The following UQCRB variants were observed in gnomAD, a reference collection of about 807,000 sequenced individuals.
UQCRB encodes the protein cytochrome b-c1 complex subunit 7.
A neutral mutation model predicts 19.8 loss-of-function variants in UQCRB; 12 were observed. The ratio of observed to expected loss-of-function variants is 0.61; its 90% confidence interval spans 0.39 to 0.98. The LOEUF is 0.98. Ranked by LOEUF, UQCRB falls within the 50% of genes least tolerant of loss-of-function variation. The pLI is 0.00. For missense variants in UQCRB, 142 were observed against 131.8 expected (o/e 1.08, Z -0.38); for synonymous variants, 39 against 42.9 (o/e 0.91, Z 0.35).
intron 1 of UQCRB, chr8:96,235,283 G>A: frequency 1.6e-6 from 1 of 631,998 alleles, no homozygotes; most frequent in Non-Finnish European, 2.8e-6. Context: ...GAGCCACCGC[G>A]GGCACCTTCA....
At chr8:96,231,575 A>G in intron 3 of UQCRB, 199 bp downstream of exon 3, 1 of 1,377,896 alleles carries the variant, frequency 7.3e-7, no homozygotes, top group Non-Finnish European at 1.0e-6. Flanking sequence ...CTTGCTTAGT[A>G]ATTTCAGAAG....
rs1274986631 is a variant in UQCRB at position 96,227,286 on chromosome 8, A to G, written c.*3769T>C. On this transcript the variant is annotated 3_prime_UTR_variant, in exon 4 of 4. Transcript: ENST00000287022. ...TTAGTAGTAAATTCTCCTGATGGCC[A>G]TAAACCTCTAAGGTGTTGTCATCCT... The G allele has an allele frequency of 6.6e-6, 3 of 454,000 alleles. No homozygotes were observed. The East Asian group carries it at 2.1e-4, about 32-fold the overall frequency. The allele number at this position is 454,000 out of a possible 1,614,324, so 28.1% of individuals were successfully genotyped here. A position where few individuals can be genotyped will look rare whatever the true frequency, so the allele number is the denominator to read the frequency against.
At chr8:96,231,364 T>C in intron 3 of UQCRB, 1 of 1,542,964 alleles carries the variant, frequency 6.5e-7, no homozygotes, top group Non-Finnish European at 8.7e-7. Context: ...GAAAAAGAAA[T>C]GAATGTCCAC....
chr8:96,225,832 T>C lies in UQCRB; in HGVS notation c.*5223A>G, dbSNP rs1809516170. On this transcript the variant is annotated 3_prime_UTR_variant, in exon 4 of 4. Transcript: ENST00000287022. ...TTCACACAGTATGTACATCTATGTT[T>C]ACATATTCATGCATCTGATTACATA... is the stretch of plus-strand genomic sequence containing the variant. 6.6e-6 allele frequency: 1 copy of C among 152,134 alleles called. No homozygotes were observed. Among genetic ancestry groups the C allele is most frequent in the African/African-American group, 2.4e-5 (1 of 41,416 alleles). 9.4% of individuals were successfully genotyped at this position (152,134 alleles called of 1,614,324 possible). A position where few individuals can be genotyped will look rare whatever the true frequency, so the allele number is the denominator to read the frequency against.
chr8:96,224,680 TC>T lies in UQCRB; in HGVS notation c.*6374del, dbSNP rs1344500551. Among the ~76,000 whole-genome samples the T allele has an allele frequency of 6.6e-6, 1 of 152,190 alleles. No individual in the cohort carries two copies. Among genetic ancestry groups the T allele is most frequent in the Non-Finnish European group, 1.5e-5 (1 of 68,038 alleles). ...TCTTACACATCTAACTGATATCCAG[TC>T]AGGCCAACTGGACTTCTTAGTATCT... is the stretch of plus-strand genomic sequence containing the variant. On this transcript the variant is annotated 3_prime_UTR_variant, in exon 4 of 4. Transcript: ENST00000287022.
Position 96,225,419 on chromosome 8 carries a change from C to G in UQCRB, c.*5636G>C, listed in dbSNP as rs983489605. Reference sequence around the variant, plus strand: ...TTGGAAGTCCAGTATTGAAAAACTTCAAATATTCATCCCCTTTGCCCCAAC... The same window carrying G: ...TTGGAAGTCCAGTATTGAAAAACTTGAAATATTCATCCCCTTTGCCCCAAC... On this transcript the variant is annotated 3_prime_UTR_variant, in exon 4 of 4. Transcript: ENST00000287022. Among the ~76,000 whole-genome samples, 2 of 152,126 alleles carry G rather than the reference C, an allele frequency of 1.3e-5. No homozygotes were observed. The highest frequency in any genetic ancestry group is 2.9e-5 in the Non-Finnish European group (2 of 68,014).
In UQCRB at chr8:96,229,905, ACT is replaced by A. The variant is rs35954659; in HGVS notation, c.*1148_*1149del. 0.34 allele frequency: 154,262 copies of A among 453,532 alleles called. 28,175 individuals carry two copies. Among genetic ancestry groups the A allele is most frequent in the Non-Finnish European group, 0.4 (89,904 of 226,542 alleles). The allele number at this position is 453,532 out of a possible 1,614,324, so 28.1% of individuals were successfully genotyped here. ...AATGTAACACAAATTCGTTTTTCAC[ACT>A]GTTTTGTTATTTGAGGTAAGGCATT... is the stretch of plus-strand genomic sequence containing the variant. On this transcript the variant is annotated 3_prime_UTR_variant, in exon 4 of 4. Coordinates refer to ENST00000287022, the MANE Select transcript of UQCRB (RefSeq NM_006294.5).
In UQCRB at chr8:96,224,605, T is replaced by C. The variant is rs981651434; in HGVS notation, c.*6450A>G. Among the ~76,000 whole-genome samples, 2 of 152,140 alleles carry C rather than the reference T, an allele frequency of 1.3e-5. No individual in the cohort carries two copies. Among genetic ancestry groups the C allele is most frequent in the African/African-American group, 4.8e-5 (2 of 41,432 alleles). ...CTGCATCACCCTCAACAGACCCGTG[T>C]TTGTGGAGCCCCTCCGGACCTCTCT... On this transcript the variant is annotated 3_prime_UTR_variant, in exon 4 of 4. Coordinates refer to ENST00000287022, the MANE Select transcript of UQCRB (RefSeq NM_006294.5).
At chr8:96,234,435 A>AC (rs769629000) in intron 1 of UQCRB, 12 of 1,198,764 alleles carry the variant, frequency 1.0e-5, no homozygotes, top group Non-Finnish European at 1.3e-5. Context: ...AAGTGATCCC[A>AC]CCCAAGGTCA....
chr8:96,231,679 G>C, intron 3 of UQCRB, 95 bp downstream of exon 3: 1 of 1,552,638 alleles, frequency 6.4e-7, no homozygotes, highest in East Asian at 2.2e-5. Flanking sequence ...ACATGACTCA[G>C]AGAACTCTAA....
intron 1 of UQCRB, chr8:96,234,474 T>C (rs1200752697): frequency 1.6e-6 from 2 of 1,288,100 alleles, no homozygotes; most frequent in African/African-American, 3.0e-5. Context: ...TGAGATCTGG[T>C]CTATGTAGTT....
Position 96,224,194 on chromosome 8 carries a change from A to G in UQCRB, c.*6861T>C, listed in dbSNP as rs1338804792. Among the ~76,000 whole-genome samples the G allele has an allele frequency of 2.0e-5, 3 of 152,228 alleles. No individual in the cohort carries two copies. The highest frequency in any genetic ancestry group is 4.4e-5 in the Non-Finnish European group (3 of 68,044). On this transcript the variant is annotated 3_prime_UTR_variant, in exon 4 of 4. Transcript: ENST00000287022. ...ACCAAAGAATGTCCAATGAAGGGAC[A>G]ATTAACAAACGGCAGGCAAGGTCAA... is the stretch of plus-strand genomic sequence containing the variant.
chr8:96,231,582 G>A (rs1181402778), intron 3 of UQCRB, 192 bp downstream of exon 3: 5 of 1,370,936 alleles, frequency 3.6e-6, no homozygotes, highest in Non-Finnish European at 3.0e-6. Flanking sequence ...AGTAATTTCA[G>A]AAGAATCATT....
Position 96,228,759 on chromosome 8 carries a change from A to C in UQCRB, c.*2296T>G. 1 of 454,130 alleles carries C rather than the reference A, an allele frequency of 2.2e-6. No individual in the cohort carries two copies. Among genetic ancestry groups the C allele is most frequent in the Non-Finnish European group, 4.4e-6 (1 of 226,796 alleles). The allele number at this position is 454,130 out of a possible 1,614,324, so 28.1% of individuals were successfully genotyped here. On this transcript the variant is annotated 3_prime_UTR_variant, in exon 4 of 4. Coordinates refer to ENST00000287022, the MANE Select transcript of UQCRB (RefSeq NM_006294.5). Reference sequence around the variant, plus strand: ...AAATTGTATTCCTAAAGCACTACACAGTGAGCAAATAGATTCAGACCTGTG... The same window carrying C: ...AAATTGTATTCCTAAAGCACTACACCGTGAGCAAATAGATTCAGACCTGTG...
In UQCRB at chr8:96,226,138, C is replaced by G. The variant is rs1809521394; in HGVS notation, c.*4917G>C. On this transcript the variant is annotated 3_prime_UTR_variant, in exon 4 of 4. Transcript: ENST00000287022. Reference sequence around the variant, plus strand: ...TATATTCTTCCTAGCTTCTGCCTAGCCTGGAACATAAACACATACATCAAT... The same window carrying G: ...TATATTCTTCCTAGCTTCTGCCTAGGCTGGAACATAAACACATACATCAAT... 1 of 152,180 alleles carries G rather than the reference C, an allele frequency of 6.6e-6. No homozygotes were observed. The highest frequency in any genetic ancestry group is 1.5e-5 in the Non-Finnish European group (1 of 68,050). The allele number at this position is 152,180 out of a possible 1,614,324, so 9.4% of individuals were successfully genotyped here.
Position 96,229,080 on chromosome 8 carries a change from A to G in UQCRB, c.*1975T>C. 2.2e-6 allele frequency: 1 copy of G among 454,086 alleles called. No homozygotes were observed. Among genetic ancestry groups the G allele is most frequent in the African/African-American group, 2.0e-5 (1 of 50,140 alleles). The allele number at this position is 454,086 out of a possible 1,614,324, so 28.1% of individuals were successfully genotyped here. A position where few individuals can be genotyped will look rare whatever the true frequency, so the allele number is the denominator to read the frequency against. On this transcript the variant is annotated 3_prime_UTR_variant, in exon 4 of 4. Coordinates refer to ENST00000287022, the MANE Select transcript of UQCRB (RefSeq NM_006294.5). ...ACAAGCAGGACGATAACCATAATTT[A>G]TAATGAACACAAAACATTGATCTAG...
Position 96,223,128 on chromosome 8 carries a change from A to G in UQCRB, c.*7927T>C, listed in dbSNP as rs1563531988. On this transcript the variant is annotated 3_prime_UTR_variant, in exon 4 of 4. Transcript: ENST00000287022. Reference sequence around the variant, plus strand: ...AGATTTCATGTACAGCATGGTGACTATAATTATATTGTACACTAAAAATTT... The same window carrying G: ...AGATTTCATGTACAGCATGGTGACTGTAATTATATTGTACACTAAAAATTT... 6.6e-6 allele frequency among the ~76,000 whole-genome samples: 1 copy of G among 151,436 alleles called. No homozygotes were observed. Among genetic ancestry groups the G allele is most frequent in the Admixed American group, 6.6e-5 (1 of 15,238 alleles).
intron 1 of UQCRB, chr8:96,234,645 T>C: frequency 3.8e-6 from 2 of 523,138 alleles, no homozygotes; most frequent in Non-Finnish European, 6.6e-6. Context: ...CCTAACAGCT[T>C]CACAATTGCT....
In UQCRB at chr8:96,229,884, T is replaced by A; in HGVS notation, c.*1171A>T. The A allele has an allele frequency of 2.2e-6, 1 of 447,978 alleles. No homozygotes were observed. The highest frequency in any genetic ancestry group is 1.6e-5 in the South Asian group (1 of 64,172). 27.8% of individuals were successfully genotyped at this position (447,978 alleles called of 1,614,324 possible). A position where few individuals can be genotyped will look rare whatever the true frequency, so the allele number is the denominator to read the frequency against. ...CTCATTGCTTTACAAACTTTAAATG[T>A]AACACAAATTCGTTTTTCACACTGT... On this transcript the variant is annotated 3_prime_UTR_variant, in exon 4 of 4. Transcript: ENST00000287022.
Sources: allele counts gnomAD v4.1 joint callset (sites outside exome capture counted in the v4.1 genomes callset), GRCh38; gene constraint gnomAD v4.1.1; transcripts MANE v1.5; gene names NCBI Gene and HGNC (gene_info 2026-07-23, HGNC 2026-07-21).